The following VRK2 variants were observed in gnomAD, a reference collection of about 807,000 sequenced individuals.
VRK2 encodes the protein VRK serine/threonine kinase 2.
Under a neutral mutation model 57.6 loss-of-function variants are expected in VRK2, and 60 were observed. That is an observed-to-expected ratio of 1.04 (90% CI 0.85 to 1.29). The LOEUF is 1.29. VRK2 is among the 50% of genes most tolerant of loss of function. The pLI is 0.00. For synonymous variants in VRK2, 231 were observed against 199.2 expected (o/e 1.16, Z -1.35); for missense variants, 705 against 588.1 (o/e 1.20, Z -2.06).
At chr2:58,082,127 A>C (rs1670969929) in intron 2 of VRK2, among the ~76,000 whole-genome samples, 1 of 151,820 alleles carries the variant, frequency 6.6e-6, no homozygotes, top group African/African-American at 2.4e-5. Context: ...TTGTGTAGCT[A>C]TCAAGTGATG....
chr2:57,914,534 G>T (rs1670087207), intron 1 of VRK2, among the ~76,000 whole-genome samples: 1 of 151,910 alleles, frequency 6.6e-6, no homozygotes, highest in Non-Finnish European at 1.5e-5. Flanking sequence ...TTTTGTAAAG[G>T]TATTTTTCAC....
At chr2:58,150,576 T>C (rs1285890244) in intron 12 of VRK2, among the ~76,000 whole-genome samples, 2 of 138,590 alleles carry the variant, frequency 1.4e-5, no homozygotes, top group Admixed American at 7.0e-5. Flanking sequence ...TTTTTTTTTT[T>C]CAAAGACCAA....
chr2:58,030,268 T>C (rs1316120692), intron 2 of VRK2, among the ~76,000 whole-genome samples: 1 of 152,130 alleles, frequency 6.6e-6, no homozygotes, highest in Non-Finnish European at 1.5e-5. Context: ...TAAATAATCA[T>C]TTTAAATAAT....
chr2:58,050,103 T>C (rs977085437), intron 2 of VRK2, among the ~76,000 whole-genome samples: 1 of 152,148 alleles, frequency 6.6e-6, no homozygotes, highest in East Asian at 1.9e-4. Context: ...AATAGAAATG[T>C]AATACAAGTT....
At chr2:58,061,064 A>G (rs1381916713) in intron 2 of VRK2, among the ~76,000 whole-genome samples, 1 of 151,870 alleles carries the variant, frequency 6.6e-6, no homozygotes, top group African/African-American at 2.4e-5. Context: ...TTGATGATAT[A>G]AAGCAAAACC....
rs58729342 is a variant in VRK2, at chr2:58,028,903, A to AATATATATAT, written c.-333+3164_-333+3173dup. On this transcript the variant is annotated intron_variant, in intron 2 of 15. Coordinates refer to the VRK2 transcript ENST00000417641. ...AGTATAATAAATAAATAAATAAATAAATATATATATATATATATATATATA... is the reference window on the plus strand; with the variant it reads ...AGTATAATAAATAAATAAATAAATAAATATATATATATATATATATATATATATATATATA... Among the ~76,000 whole-genome samples, 478 of 53,924 alleles carry AATATATATAT rather than the reference A, an allele frequency of 8.9e-3. 9 individuals carry two copies. The highest frequency in any genetic ancestry group is 0.013 in the South Asian group (14 of 1,108). The allele number at this position is 53,924 out of a possible 152,430, so 35.4% of individuals were successfully genotyped here.
chr2:58,010,822 G>C (rs1673395978), intron 1 of VRK2, among the ~76,000 whole-genome samples: 1 of 152,128 alleles, frequency 6.6e-6, no homozygotes, highest in Non-Finnish European at 1.5e-5. Flanking sequence ...TAATATCTCT[G>C]CAAGGACAGG....
At chr2:58,125,559 T>A (rs969491203) in intron 8 of VRK2, among the ~76,000 whole-genome samples, 1 of 152,014 alleles carries the variant, frequency 6.6e-6, no homozygotes, top group Non-Finnish European at 1.5e-5. Flanking sequence ...ATTAAATATT[T>A]TTGGGATTTG....
chr2:58,156,852 T>G (rs946186276), intron 12 of VRK2, among the ~76,000 whole-genome samples: 1 of 152,214 alleles, frequency 6.6e-6, no homozygotes, highest in Non-Finnish European at 1.5e-5. Context: ...GAATCTCTGT[T>G]AATTTTTTCT....
chr2:57,910,238 C>T (rs1669945658), intron 1 of VRK2, among the ~76,000 whole-genome samples: 1 of 152,166 alleles, frequency 6.6e-6, no homozygotes, highest in African/African-American at 2.4e-5. Flanking sequence ...AAATCCCTTT[C>T]TCCATGCAGA....
At position 57,955,729 on chromosome 2, in the gene VRK2, G is replaced by A. The variant is rs78821812; in HGVS notation, c.-439+47890G>A. On this transcript the variant is annotated intron_variant, in intron 1 of 15. Coordinates refer to the VRK2 transcript ENST00000417641. ...CCTACAGAAAAACCCTACACATCCT[G>A]CACATGTATCCTGGAACTTAAAATA... Among the ~76,000 whole-genome samples the A allele has an allele frequency of 9.3e-3, 1,417 of 152,220 alleles. 30 individuals carry two copies. The highest frequency in any genetic ancestry group is 0.031 in the African/African-American group (1,299 of 41,520).
chr2:58,134,309 C>G (rs938570146), intron 9 of VRK2, among the ~76,000 whole-genome samples: 1 of 152,162 alleles, frequency 6.6e-6, no homozygotes, highest in Admixed American at 6.5e-5. Context: ...GGAATAAATG[C>G]TACATACATC....
intron 2 of VRK2, among the ~76,000 whole-genome samples, chr2:58,062,550 A>G (rs571477329): frequency 4.6e-5 from 7 of 152,224 alleles, no homozygotes; most frequent in African/African-American, 1.7e-4. Flanking sequence ...CTTAAAAGAA[A>G]TTAAAAGTGC....
At chr2:57,941,146 G>A (rs568024786) in intron 1 of VRK2, among the ~76,000 whole-genome samples, 1 of 152,246 alleles carries the variant, frequency 6.6e-6, no homozygotes, top group African/African-American at 2.4e-5. Context: ...ACACTGAAAT[G>A]CCACAAAGCT....
At chr2:58,137,948 G>C (rs1407017029) in intron 10 of VRK2, among the ~76,000 whole-genome samples, 1 of 151,994 alleles carries the variant, frequency 6.6e-6, no homozygotes. Context: ...AATTTATAAT[G>C]GAAATGGCTC....
In VRK2 at chr2:58,046,811, C is replaced by G; in HGVS notation, c.-63C>G. 1 of 985,612 alleles carries G rather than the reference C, an allele frequency of 1.0e-6. No homozygotes were observed. The highest frequency in any genetic ancestry group is 1.2e-6 in the Non-Finnish European group (1 of 830,088). The allele number at this position is 985,612 out of a possible 1,614,324, so 61.1% of individuals were successfully genotyped here. ...TGTAGGCCCGGGGGCTCCGCCTCGT[C>G]GCAGCGGCAGGTAGGAGGCGGTGCG... On this transcript the variant is annotated 5_prime_UTR_variant, in exon 1 of 13. Transcript: ENST00000340157.
intron 2 of VRK2, among the ~76,000 whole-genome samples, chr2:58,065,911 G>A (rs1043839764): frequency 3.3e-5 from 5 of 152,030 alleles, no homozygotes; most frequent in Non-Finnish European, 7.4e-5. Flanking sequence ...TTGTACATTA[G>A]TAGTATATTA....
intron 5 of VRK2, among the ~76,000 whole-genome samples, 178 bp from the exon 6 acceptor site, chr2:58,088,163 T>C (rs567073628): frequency 6.6e-6 from 1 of 152,344 alleles, no homozygotes; most frequent in African/African-American, 2.4e-5. Flanking sequence ...AAAGTAAATA[T>C]TGAGCAGTTT....
At position 57,937,827 on chromosome 2, in the gene VRK2, C is replaced by CT. The variant is rs778615422; in HGVS notation, c.-439+30010dup. Reference sequence around the variant, plus strand: ...CTATCAGCTATTATTGTTTATCTTTCTTTTTTTTTTTTTTTTTTTTTTGAG... The same window carrying CT: ...CTATCAGCTATTATTGTTTATCTTTCTTTTTTTTTTTTTTTTTTTTTTTGAG... On this transcript the variant is annotated intron_variant, in intron 1 of 15. Coordinates refer to the VRK2 transcript ENST00000417641. Among the ~76,000 whole-genome samples, 153 of 89,924 alleles carry CT rather than the reference C, an allele frequency of 1.7e-3. 1 individual carries two copies. Among genetic ancestry groups the CT allele is most frequent in the Non-Finnish European group, 1.9e-3 (87 of 46,424 alleles). The allele number at this position is 89,924 out of a possible 152,430, so 59.0% of individuals were successfully genotyped here. A position where few individuals can be genotyped will look rare whatever the true frequency, so the allele number is the denominator to read the frequency against.
Sources: gnomAD v4.1 joint callset for allele counts (sites outside exome capture counted in the v4.1 genomes callset) on GRCh38, gnomAD v4.1.1 for gene constraint, MANE v1.5 for transcripts, NCBI Gene and HGNC (gene_info 2026-07-23, HGNC 2026-07-21) for gene names.